ME2: variants seen among roughly 807,000 people sequenced by gnomAD.
The protein encoded by ME2 is NAD-dependent malic enzyme, mitochondrial.
ME2 carries 60 observed loss-of-function variants against 73.7 expected under a neutral mutation model. The observed-to-expected ratio is 0.81, with a 90% CI of 0.66 to 1.01. The LOEUF (loss-of-function observed/expected upper bound fraction) is 1.01, where lower values mean the gene tolerates loss of function less well. ME2 is among the 50% of genes least tolerant of loss of function. The pLI is 0.00. For missense variants in ME2, 594 were observed against 705.5 expected, an observed-to-expected ratio of 0.84 and a Z score of 1.79; for synonymous variants, 199 against 236.9, an observed-to-expected ratio of 0.84 and a Z score of 1.47.
chr18:50,903,145 G>A (rs1327196864), intron 2 of ME2, among the ~76,000 whole-genome samples: 3 of 152,140 alleles, frequency 2.0e-5, no homozygotes, highest in Non-Finnish European at 4.4e-5. Flanking sequence ...AAGGGAGATG[G>A]AGAAAGTAGG....
At chr18:50,895,177 G>A (rs1446141834) in intron 1 of ME2, among the ~76,000 whole-genome samples, 1 of 151,824 alleles carries the variant, frequency 6.6e-6, no homozygotes, top group African/African-American at 2.4e-5. Context: ...TTAATGTATA[G>A]TTTTCTCTTT....
In ME2 at chr18:50,948,372, CT is replaced by C. The variant is rs1356573383; in HGVS notation, c.*1189del. ...TGAAGAATTCTAAAGGAAAATATATCTGCCTACCATGCTTGCTCTTAGGGAA... is the reference window on the plus strand; with the variant it reads ...TGAAGAATTCTAAAGGAAAATATATCGCCTACCATGCTTGCTCTTAGGGAA... On this transcript the variant is annotated 3_prime_UTR_variant, in exon 16 of 16. Transcript: ENST00000321341. The C allele has an allele frequency of 6.6e-6, 1 of 152,076 alleles. No individual in the cohort carries two copies. The highest frequency in any genetic ancestry group is 2.4e-5 in the African/African-American group (1 of 41,410). The allele number at this position is 152,076 out of a possible 1,614,324, so 9.4% of individuals were successfully genotyped here. A position where few individuals can be genotyped will look rare whatever the true frequency, so the allele number is the denominator to read the frequency against.
At chr18:50,936,460 G>A (rs551308125) in intron 13 of ME2, among the ~76,000 whole-genome samples, 1 of 152,280 alleles carries the variant, frequency 6.6e-6, no homozygotes, top group Admixed American at 6.5e-5. Context: ...TTATGAATAA[G>A]TGGGTGGGTA....
intron 11 of ME2, among the ~76,000 whole-genome samples, chr18:50,924,524 A>G (rs1263904944): frequency 6.6e-6 from 1 of 152,210 alleles, no homozygotes; most frequent in Admixed American, 6.5e-5. Context: ...TGCAGACTCA[A>G]AGTTTTCGTG....
chr18:50,913,003 T>C (rs947112519), intron 4 of ME2, 53 bp downstream of exon 4: 1 of 1,467,218 alleles, frequency 6.8e-7, no homozygotes, highest in South Asian at 1.3e-5. Context: ...AAGGAAAATA[T>C]CATTCCATAA....
intron 15 of ME2, among the ~76,000 whole-genome samples, chr18:50,946,569 A>T (rs1370332225): frequency 6.6e-6 from 1 of 152,204 alleles, no homozygotes; most frequent in Non-Finnish European, 1.5e-5. Context: ...TCTAGCCCTG[A>T]CTTCACCTGA....
Position 50,912,815 on chromosome 18 carries a change from T to A in ME2, c.257T>A (p.Met86Lys). 1 of 1,595,880 alleles carries A rather than the reference T, an allele frequency of 6.3e-7. No individual in the cohort carries two copies. Among genetic ancestry groups the A allele is most frequent in the Non-Finnish European group, 8.6e-7 (1 of 1,169,022 alleles). Residue 86 changes from methionine to lysine, a missense_variant, in exon 4 of 16, where the codon ATG (methionine) becomes AAG (lysine). Met to Lys is a moderately conservative substitution (Grantham distance 95). Coordinates refer to ENST00000321341, the MANE Select transcript of ME2 (RefSeq NM_002396.5). ...TSPLEKYIYI[M>K]GIQERNEKLF... ...CTTCATTTCAGATATATCTACATAA[T>A]GGGAATACAAGAAAGAAATGAGAAA...
intron 4 of ME2, among the ~76,000 whole-genome samples, chr18:50,914,494 C>A (rs983270999): frequency 3.3e-5 from 5 of 152,108 alleles, no homozygotes; most frequent in Admixed American, 3.3e-4. Context: ...TGTGTGAGGG[C>A]AAATACTGTA....
intron 1 of ME2, among the ~76,000 whole-genome samples, chr18:50,886,501 C>T (rs2144181140): frequency 6.6e-6 from 1 of 152,224 alleles, no homozygotes; most frequent in South Asian, 2.1e-4. Context: ...ACCTCAGCCT[C>T]CCAAAGTGTT....
At chr18:50,883,115 T>C (rs1212231279) in intron 1 of ME2, among the ~76,000 whole-genome samples, 3 of 152,260 alleles carry the variant, frequency 2.0e-5, no homozygotes, top group Non-Finnish European at 4.4e-5. Flanking sequence ...TAGTTTTTCC[T>C]CCTTTGGTCA....
chr18:50,903,344 T>C (rs1036945863), intron 2 of ME2, among the ~76,000 whole-genome samples: 1 of 152,274 alleles, frequency 6.6e-6, no homozygotes, highest in African/African-American at 2.4e-5. Flanking sequence ...TTTTTTACTC[T>C]GCATTATAAA....
intron 2 of ME2, among the ~76,000 whole-genome samples, chr18:50,897,864 A>G (rs528801080): frequency 7.0e-6 from 1 of 141,988 alleles, no homozygotes; most frequent in East Asian, 2.0e-4. Context: ...CATCTCAAAA[A>G]AAAAAAGAAA....
At chr18:50,928,870 G>T (rs1189236941) in intron 12 of ME2, among the ~76,000 whole-genome samples, 1 of 152,074 alleles carries the variant, frequency 6.6e-6, no homozygotes, top group African/African-American at 2.4e-5. Flanking sequence ...CACAGCTTTT[G>T]ATTTGGAAAT....
chr18:50,918,914 G>A (rs1350111174), intron 7 of ME2, among the ~76,000 whole-genome samples: 1 of 152,158 alleles, frequency 6.6e-6, no homozygotes, highest in Non-Finnish European at 1.5e-5. Flanking sequence ...TGTTATGAGT[G>A]CATATTCATA....
intron 2 of ME2, among the ~76,000 whole-genome samples, chr18:50,900,227 T>TA (rs1238773694): frequency 6.6e-6 from 1 of 151,686 alleles, no homozygotes; most frequent in Non-Finnish European, 1.5e-5. Flanking sequence ...TTTTTTTTTT[T>TA]AAATAAGAAT....
At chr18:50,896,871 A>G (rs552719903) in intron 2 of ME2, among the ~76,000 whole-genome samples, 2 of 152,332 alleles carry the variant, frequency 1.3e-5, no homozygotes, top group Admixed American at 1.3e-4. Context: ...TTCTTGGTAC[A>G]TGACACAGAA....
intron 2 of ME2, among the ~76,000 whole-genome samples, chr18:50,896,585 G>A (rs1465941841): frequency 6.6e-6 from 1 of 152,100 alleles, no homozygotes; most frequent in African/African-American, 2.4e-5. Flanking sequence ...GTAAGTAAAA[G>A]TTCTGGGAAG....
At chr18:50,927,720 C>CTATATA (rs1917589905) in intron 12 of ME2, among the ~76,000 whole-genome samples, 1 of 17,890 alleles carries the variant, frequency 5.6e-5, no homozygotes. Context: ...CCCCAAAAAA[C>CTATATA]CATATATATA....
At chr18:50,928,726 C>T (rs1406753169) in intron 12 of ME2, among the ~76,000 whole-genome samples, 1 of 152,124 alleles carries the variant, frequency 6.6e-6, no homozygotes, top group African/African-American at 2.4e-5. Flanking sequence ...TCCTGATATC[C>T]ACCCCTTTGG....
Sources: allele counts gnomAD v4.1 joint callset (sites outside exome capture counted in the v4.1 genomes callset), GRCh38; gene constraint gnomAD v4.1.1; transcripts MANE v1.5; gene names NCBI Gene and HGNC (gene_info 2026-07-23, HGNC 2026-07-21).